Variants in PTPRD observed in about 807,000 individuals in gnomAD.
PTPRD encodes the protein receptor-type tyrosine-protein phosphatase delta.
PTPRD carries 34 observed loss-of-function variants against 214.5 expected under a neutral mutation model. The ratio of observed to expected loss-of-function variants is 0.16; its 90% CI spans 0.12 to 0.21. The LOEUF (loss-of-function observed/expected upper bound fraction) is 0.21, where lower values mean the gene tolerates loss of function less well. Ranked by LOEUF, PTPRD falls within the 10% of genes least tolerant of loss-of-function variation. The probability of loss-of-function intolerance (pLI) is 1.00; values close to 1 mark genes in which losing one functional copy is unlikely to be tolerated. For synonymous variants in PTPRD, 1,128 were observed against 845.7 expected (o/e 1.33, Z -5.79); for missense variants, 2,545 against 2,398.7 (o/e 1.06, Z -1.27).
intron 3 of PTPRD, among the ~76,000 whole-genome samples, chr9:10,199,006 TG>T (rs2099408925): frequency 6.6e-6 from 1 of 152,066 alleles, no homozygotes; most frequent in Non-Finnish European, 1.5e-5. Context: ...TCCCTTATGT[TG>T]GCATAAGATA....
At chr9:10,597,083 A>T (rs569077005) in intron 2 of PTPRD, among the ~76,000 whole-genome samples, 1 of 151,092 alleles carries the variant, frequency 6.6e-6, no homozygotes, top group Admixed American at 6.6e-5. Context: ...ATATATATAT[A>T]TTTCACATAT....
At chr9:8,339,811 T>TCTAATA (rs1262829601) in intron 42 of PTPRD, among the ~76,000 whole-genome samples, 1 of 150,126 alleles carries the variant, frequency 6.7e-6, no homozygotes. Flanking sequence ...CTTAAGTATT[T>TCTAATA]CTAATACTAT....
Position 9,922,282 on chromosome 9 carries a change from C to G in PTPRD, c.-368+16225G>C, listed in dbSNP as rs114852048. Among the ~76,000 whole-genome samples the G allele has an allele frequency of 5.7e-3, 865 of 152,236 alleles. 11 individuals carry two copies. The highest frequency in any genetic ancestry group is 0.019 in the African/African-American group (798 of 41,548). ...CTCTTCATTCCCATCACCTCCCTTT[C>G]TCTCAATCCCTTGAATCCGAAGTAT... On this transcript the variant is annotated intron_variant, in intron 5 of 45. Transcript: ENST00000381196.
At chr9:9,672,464 G>T (rs2096850298) in intron 7 of PTPRD, among the ~76,000 whole-genome samples, 1 of 152,110 alleles carries the variant, frequency 6.6e-6, no homozygotes, top group Admixed American at 6.5e-5. Flanking sequence ...AAAAATACAT[G>T]ATTACTTATT....
intron 8 of PTPRD, among the ~76,000 whole-genome samples, chr9:9,546,289 T>A (rs563669483): frequency 2.6e-5 from 4 of 151,806 alleles, no homozygotes; most frequent in Non-Finnish European, 4.4e-5. Context: ...AAAAATAGTG[T>A]GTTGCTTTCT....
intron 8 of PTPRD, among the ~76,000 whole-genome samples, chr9:9,500,042 T>C (rs1358755566): frequency 6.6e-6 from 1 of 152,064 alleles, no homozygotes; most frequent in Non-Finnish European, 1.5e-5. Flanking sequence ...TGTTTAGGAG[T>C]AATTTGCAGA....
chr9:10,302,519 C>A (rs1233427800), intron 3 of PTPRD, among the ~76,000 whole-genome samples: 1 of 152,192 alleles, frequency 6.6e-6, no homozygotes, highest in Non-Finnish European at 1.5e-5. Context: ...TCGGGAGACC[C>A]ATCTCACGTG....
chr9:10,611,460 T>A (rs954936701), intron 2 of PTPRD, among the ~76,000 whole-genome samples: 1 of 152,226 alleles, frequency 6.6e-6, no homozygotes, highest in East Asian at 1.9e-4. Flanking sequence ...TATTTAGATA[T>A]TACAAAATAT....
At chr9:9,119,060 A>G (rs1166834298) in intron 10 of PTPRD, among the ~76,000 whole-genome samples, 1 of 152,206 alleles carries the variant, frequency 6.6e-6, no homozygotes, top group Admixed American at 6.5e-5. Flanking sequence ...TAATGGGGAC[A>G]AATGTAATCT....
At chr9:9,442,968 CAT>C (rs767427760) in intron 8 of PTPRD, among the ~76,000 whole-genome samples, 3 of 152,056 alleles carry the variant, frequency 2.0e-5, no homozygotes, top group Non-Finnish European at 2.9e-5. Context: ...TATGCACGTA[CAT>C]ATATATGTGT....
At chr9:10,270,528 G>A (rs1296511721) in intron 3 of PTPRD, among the ~76,000 whole-genome samples, 1 of 152,126 alleles carries the variant, frequency 6.6e-6, no homozygotes, top group East Asian at 1.9e-4. Flanking sequence ...AGCCTAATTT[G>A]AATAAGATGT....
intron 35 of PTPRD, among the ~76,000 whole-genome samples, chr9:8,409,058 G>A (rs932290097): frequency 1.3e-5 from 2 of 152,152 alleles, no homozygotes; most frequent in African/African-American, 4.8e-5. Flanking sequence ...TGGATTAGAG[G>A]TTTGCATTGT....
At chr9:10,030,648 G>A (rs1053871652) in intron 4 of PTPRD, among the ~76,000 whole-genome samples, 11 of 152,182 alleles carry the variant, frequency 7.2e-5, no homozygotes, top group African/African-American at 2.7e-4. Context: ...GGGGCCTGGT[G>A]ATGGGTGAGA....
intron 5 of PTPRD, among the ~76,000 whole-genome samples, chr9:9,915,512 G>A (rs11496507): frequency 0.012 from 1,797 of 151,390 alleles, 18 homozygotes; most frequent in Non-Finnish European, 0.019. Context: ...ATTTGAATGA[G>A]AAATTAAATA....
intron 11 of PTPRD, among the ~76,000 whole-genome samples, chr9:8,926,797 C>A (rs75557303): frequency 6.6e-6 from 1 of 152,186 alleles, no homozygotes; most frequent in African/African-American, 2.4e-5. Flanking sequence ...TTTCTGAAAA[C>A]ATCTCTAAGC....
At chr9:9,151,776 C>T (rs1222266757) in intron 10 of PTPRD, among the ~76,000 whole-genome samples, 1 of 152,128 alleles carries the variant, frequency 6.6e-6, no homozygotes, top group Non-Finnish European at 1.5e-5. Context: ...TAAAGAGGCA[C>T]ATTGTGACAG....
chr9:8,531,321 G>A (rs1271734257), intron 14 of PTPRD, among the ~76,000 whole-genome samples: 1 of 151,984 alleles, frequency 6.6e-6, no homozygotes, highest in Admixed American at 6.6e-5. Context: ...TGTTCTTTAT[G>A]GCTTTAAAGG....
chr9:9,328,643 TTTTTTTTTTTTTG>T (rs1333375870), intron 9 of PTPRD, among the ~76,000 whole-genome samples: 4 of 67,192 alleles, frequency 6.0e-5, no homozygotes, highest in South Asian at 5.0e-4. Flanking sequence ...TTTTTTTTTT[TTTTTTTTTTTTTG>T]AGATAGAGTC....
chr9:9,944,631 G>C (rs944224217), intron 4 of PTPRD, among the ~76,000 whole-genome samples: 1 of 151,960 alleles, frequency 6.6e-6, no homozygotes, highest in African/African-American at 2.4e-5. Context: ...TCCAAGAATA[G>C]GCCACATGAA....
Sources: gnomAD v4.1 joint callset for allele counts (sites outside exome capture counted in the v4.1 genomes callset) on GRCh38, gnomAD v4.1.1 for gene constraint, MANE v1.5 for transcripts, NCBI Gene and HGNC (gene_info 2026-07-23, HGNC 2026-07-21) for gene names.